The following CWF19L2 variants were observed in gnomAD, a reference collection of about 807,000 sequenced individuals.
The protein encoded by CWF19L2 is CWF19 like cell cycle control factor 2.
Under a neutral mutation model 111.7 loss-of-function variants are expected in CWF19L2, and 98 were observed. The ratio of observed to expected loss-of-function variants is 0.88; its 90% CI spans 0.75 to 1.04. The LOEUF (loss-of-function observed/expected upper bound fraction) is 1.04, where lower values mean the gene tolerates loss of function less well. Ranked by LOEUF, CWF19L2 falls within the 50% of genes least tolerant of loss-of-function variation. The pLI is 0.00. For missense variants in CWF19L2, 1,101 were observed against 1,051.4 expected (o/e 1.05, Z -0.65); for synonymous variants, 351 against 342.9 (o/e 1.02, Z -0.26).
At chr11:107,424,846 G>T (rs773160428) in intron 8 of CWF19L2, among the ~76,000 whole-genome samples, 2 of 151,830 alleles carry the variant, frequency 1.3e-5, no homozygotes, top group Non-Finnish European at 2.9e-5. Context: ...AACAGTAATA[G>T]GTGTCAAGTA....
intron 3 of CWF19L2, among the ~76,000 whole-genome samples, chr11:107,443,663 A>T (rs2135423429): frequency 6.6e-6 from 1 of 152,296 alleles, no homozygotes; most frequent in Non-Finnish European, 1.5e-5. Flanking sequence ...AGTGACTACC[A>T]ACGTCAAGTA....
chr11:107,353,701 C>T lies in CWF19L2; in HGVS notation c.1908G>A (p.Leu636=). 6.2e-7 allele frequency: 1 copy of T among 1,613,706 alleles called. No individual in the cohort carries two copies. The highest frequency in any genetic ancestry group is 1.1e-5 in the South Asian group (1 of 91,068). Residue 636 remains leucine, a synonymous_variant, in exon 13 of 18, where the codon CTG becomes CTA. Coordinates refer to ENST00000282251, the MANE Select transcript of CWF19L2 (RefSeq NM_152434.3). ...CTGCTTTGGAGACAAACATGTCATCCAGGGTGTAATAGTCTCCATCTGTTT... is the reference window on the plus strand; with the variant it reads ...CTGCTTTGGAGACAAACATGTCATCTAGGGTGTAATAGTCTCCATCTGTTT... ...MGKTDGDYYT[L]DDMFVSKAAE... is the part of the protein sequence containing the mutation.
At chr11:107,443,082 A>C (rs1251865860) in intron 3 of CWF19L2, 33 bp from the exon 4 acceptor site, 1 of 1,351,402 alleles carries the variant, frequency 7.4e-7, no homozygotes, top group South Asian at 1.3e-5. Context: ...TGAAATTGTC[A>C]AATTTGCATA....
At position 107,369,429 on chromosome 11, in the gene CWF19L2, T is replaced by G. The variant is rs1295505991; in HGVS notation, c.1873-15693A>C. ...AAGCTAGGCTACAATCCATAAACAT[T>G]TGACTAGTATCAAGAGAAAAAACAC... On this transcript the variant is annotated intron_variant, in intron 12 of 17. Transcript: ENST00000282251. 1.5e-5 allele frequency among the ~76,000 whole-genome samples: 2 copies of G among 137,018 alleles called. 1 individual carries two copies. The highest frequency in any genetic ancestry group is 3.1e-5 in the Non-Finnish European group (2 of 64,022). The allele number at this position is 137,018 out of a possible 152,430, so 89.9% of individuals were successfully genotyped here.
intron 10 of CWF19L2, among the ~76,000 whole-genome samples, chr11:107,397,310 C>G (rs745661710): frequency 6.6e-6 from 1 of 152,152 alleles, no homozygotes; most frequent in Non-Finnish European, 1.5e-5. Flanking sequence ...GAAACAGACT[C>G]CACGCTGTTG....
chr11:107,350,199 C>G (rs900301116), intron 13 of CWF19L2, among the ~76,000 whole-genome samples: 1 of 152,112 alleles, frequency 6.6e-6, no homozygotes, highest in Non-Finnish European at 1.5e-5. Context: ...TACTGATTGG[C>G]TGATCAATAA....
intron 10 of CWF19L2, among the ~76,000 whole-genome samples, chr11:107,396,439 A>G (rs1860923085): frequency 6.6e-6 from 1 of 152,212 alleles, no homozygotes; most frequent in African/African-American, 2.4e-5. Context: ...TTTACTCATT[A>G]ATCCATAAAA....
chr11:107,404,521 T>TG, intron 10 of CWF19L2: 1 of 713,836 alleles, frequency 1.4e-6, no homozygotes. Context: ...CCACAAACCT[T>TG]GGAGTGCTGG....
intron 12 of CWF19L2, among the ~76,000 whole-genome samples, chr11:107,385,599 AC>A (rs1359979976): frequency 3.3e-5 from 5 of 152,108 alleles, no homozygotes; most frequent in Non-Finnish European, 5.9e-5. Context: ...CAATACAGTA[AC>A]CCCCCTTTAC....
intron 12 of CWF19L2, among the ~76,000 whole-genome samples, 165 bp from the exon 13 acceptor site, chr11:107,353,901 TATC>T (rs1860197188): frequency 6.6e-6 from 1 of 152,182 alleles, no homozygotes. Context: ...AGAGTCAATC[TATC>T]ATCATCATCA....
chr11:107,452,035 C>T (rs1056735883), intron 3 of CWF19L2, among the ~76,000 whole-genome samples: 1 of 152,188 alleles, frequency 6.6e-6, no homozygotes, highest in African/African-American at 2.4e-5. Flanking sequence ...ATCATGTCCA[C>T]TCTCACCACT....
At chr11:107,426,294 G>A (rs1177958840) in intron 8 of CWF19L2, among the ~76,000 whole-genome samples, 2 of 151,770 alleles carry the variant, frequency 1.3e-5, no homozygotes, top group African/African-American at 2.4e-5. Flanking sequence ...CAAAGAGTCT[G>A]TTTCTCAACT....
At chr11:107,412,527 G>A (rs1231016311) in intron 10 of CWF19L2, among the ~76,000 whole-genome samples, 1 of 152,156 alleles carries the variant, frequency 6.6e-6, no homozygotes, top group Non-Finnish European at 1.5e-5. Flanking sequence ...TTTTAGTAGA[G>A]ACAGGGTTTT....
chr11:107,391,882 A>G (rs628970), intron 11 of CWF19L2, among the ~76,000 whole-genome samples: 81,810 of 151,946 alleles, frequency 0.54, 23,081 homozygotes, highest in African/African-American at 0.72. Context: ...AGCAAACTCT[A>G]CTCATGAATG....
intron 3 of CWF19L2, among the ~76,000 whole-genome samples, chr11:107,453,958 T>C (rs1861816615): frequency 6.6e-6 from 1 of 150,538 alleles, no homozygotes. Flanking sequence ...AGGACTGCCA[T>C]TCATAGGTTG....
At chr11:107,346,699 G>C (rs1860085417) in intron 14 of CWF19L2, among the ~76,000 whole-genome samples, 1 of 152,252 alleles carries the variant, frequency 6.6e-6, no homozygotes, top group East Asian at 1.9e-4. Context: ...GGTAAAACAA[G>C]GTAGCTGGGC....
At chr11:107,416,630 T>C (rs1292082644) in intron 9 of CWF19L2, among the ~76,000 whole-genome samples, 1 of 152,238 alleles carries the variant, frequency 6.6e-6, no homozygotes, top group African/African-American at 2.4e-5. Flanking sequence ...ACTTCGGTTA[T>C]TGGTAACAAA....
chr11:107,381,084 G>A (rs560923414), intron 12 of CWF19L2, among the ~76,000 whole-genome samples: 1 of 152,198 alleles, frequency 6.6e-6, no homozygotes, highest in East Asian at 1.9e-4. Flanking sequence ...ACAGTGGGAA[G>A]GAGAACTACT....
chr11:107,358,722 A>T (rs2134552557), intron 12 of CWF19L2, among the ~76,000 whole-genome samples: 1 of 152,324 alleles, frequency 6.6e-6, no homozygotes, highest in African/African-American at 2.4e-5. Flanking sequence ...AGCTAATTTT[A>T]ATCTGTATTT....
Sources: allele counts gnomAD v4.1 joint callset (sites outside exome capture counted in the v4.1 genomes callset), GRCh38; gene constraint gnomAD v4.1.1; transcripts MANE v1.5; gene names NCBI Gene and HGNC (gene_info 2026-07-23, HGNC 2026-07-21).